The following ESRRG variants were observed in gnomAD, a reference collection of about 807,000 sequenced individuals.
ESRRG encodes estrogen related receptor gamma.
Under a neutral mutation model 44.0 loss-of-function variants are expected in ESRRG, and 13 were observed. That is an observed-to-expected ratio of 0.30 (90% CI 0.19 to 0.47). The LOEUF is 0.47. ESRRG is among the 20% of genes least tolerant of loss of function. ESRRG has a pLI of 1.00. For synonymous variants in ESRRG, 215 were observed against 214.6 expected (o/e 1.00, Z -0.02); for missense variants, 395 against 580.6 (o/e 0.68, Z 3.29).
At chr1:216,937,446 G>C (rs956743141) in intron 2 of ESRRG, among the ~76,000 whole-genome samples, 2 of 152,164 alleles carry the variant, frequency 1.3e-5, no homozygotes, top group African/African-American at 2.4e-5. Context: ...TAGTCAGAAA[G>C]GTTTGAATTA....
At chr1:217,033,029 T>C (rs1201965410) in intron 1 of ESRRG, among the ~76,000 whole-genome samples, 1 of 151,954 alleles carries the variant, frequency 6.6e-6, no homozygotes, top group Non-Finnish European at 1.5e-5. Flanking sequence ...GAGGGGGAGA[T>C]TAAAAGGGGG....
chr1:216,751,180 G>T (rs180897463), intron 2 of ESRRG, among the ~76,000 whole-genome samples: 1 of 152,272 alleles, frequency 6.6e-6, no homozygotes, highest in East Asian at 1.9e-4. Flanking sequence ...ACGCTTAAGA[G>T]AAAATGGGGC....
intron 1 of ESRRG, among the ~76,000 whole-genome samples, chr1:216,969,934 T>C (rs933712485): frequency 6.6e-6 from 1 of 152,162 alleles, no homozygotes; most frequent in African/African-American, 2.4e-5. Flanking sequence ...CAAGCAAGAA[T>C]GTTAAATTTG....
intron 3 of ESRRG, among the ~76,000 whole-genome samples, chr1:216,576,179 TC>T (rs1337709085): frequency 6.6e-6 from 1 of 151,602 alleles, no homozygotes; most frequent in Non-Finnish European, 1.5e-5. Flanking sequence ...TCCACTAAAC[TC>T]CCCCAGCCAA....
In ESRRG at chr1:216,550,877, A is replaced by G. The variant is rs557382230; in HGVS notation, c.862+13342T>C. On this transcript the variant is annotated intron_variant, in intron 5 of 6. Coordinates refer to ENST00000408911, the MANE Select transcript of ESRRG (RefSeq NM_001438.4). ...ATGGTTTCAGAACAACCATGCATAT[A>G]GAGTTTAAGAACAGCATAAAAGTCC... Among the ~76,000 whole-genome samples the G allele has an allele frequency of 2.6e-5, 4 of 152,314 alleles. No individual in the cohort carries two copies. In the East Asian group the frequency reaches 5.8e-4, roughly 22 times the overall value.
chr1:216,568,826 G>A (rs1477562649), intron 3 of ESRRG, among the ~76,000 whole-genome samples: 3 of 152,056 alleles, frequency 2.0e-5, no homozygotes, highest in East Asian at 1.9e-4. Context: ...AGGCCAAGGC[G>A]GGCAGATCAC....
intron 2 of ESRRG, among the ~76,000 whole-genome samples, chr1:216,917,281 T>A (rs1183029577): frequency 6.6e-6 from 1 of 151,986 alleles, no homozygotes; most frequent in East Asian, 1.9e-4. Context: ...GTCTAGTGGT[T>A]AAAGTGAATC....
intron 4 of ESRRG, among the ~76,000 whole-genome samples, chr1:216,564,988 C>G (rs1382381552): frequency 6.6e-6 from 1 of 152,114 alleles, no homozygotes; most frequent in African/African-American, 2.4e-5. Flanking sequence ...ACACACCCAG[C>G]CAGTCTTCCA....
intron 1 of ESRRG, among the ~76,000 whole-genome samples, chr1:217,011,054 T>C (rs1369849063): frequency 6.6e-6 from 1 of 152,168 alleles, no homozygotes; most frequent in Non-Finnish European, 1.5e-5. Flanking sequence ...ATACTGACGA[T>C]ACCAAGGTTA....
intron 2 of ESRRG, among the ~76,000 whole-genome samples, chr1:216,929,501 G>C (rs2063041246): frequency 6.6e-6 from 1 of 152,168 alleles, no homozygotes; most frequent in Non-Finnish European, 1.5e-5. Flanking sequence ...CTGGGAGAGG[G>C]AGTGCTTGAA....
intron 3 of ESRRG, among the ~76,000 whole-genome samples, chr1:216,629,959 A>T (rs748483024): frequency 6.6e-6 from 1 of 152,168 alleles, no homozygotes; most frequent in Non-Finnish European, 1.5e-5. Flanking sequence ...TTTAAAAGAA[A>T]AAGGGCCACA....
At chr1:216,836,025 A>G (rs1435377817) in intron 2 of ESRRG, among the ~76,000 whole-genome samples, 1 of 151,242 alleles carries the variant, frequency 6.6e-6, no homozygotes, top group Non-Finnish European at 1.5e-5. Flanking sequence ...CTCTCAATCA[A>G]GTGAAATATT....
intron 2 of ESRRG, among the ~76,000 whole-genome samples, chr1:216,764,762 A>AACCTCTGATCATTCCAGGAGGGTTGACTT (rs1161573880): frequency 6.6e-6 from 1 of 152,176 alleles, no homozygotes; most frequent in Non-Finnish European, 1.5e-5. Context: ...TGGCTCATTT[A>AACCTCTGATCATTCCAGGAGGGTTGACTT]ACCTCTGATC....
intron 2 of ESRRG, among the ~76,000 whole-genome samples, chr1:216,797,247 A>G (rs2094495586): frequency 6.6e-6 from 1 of 152,184 alleles, no homozygotes; most frequent in South Asian, 2.1e-4. Flanking sequence ...ACAAAATAAT[A>G]TTGATACATT....
intron 3 of ESRRG, among the ~76,000 whole-genome samples, chr1:216,580,753 T>C (rs1198945127): frequency 6.6e-6 from 1 of 152,080 alleles, no homozygotes; most frequent in Non-Finnish European, 1.5e-5. Flanking sequence ...AGATTCAGAG[T>C]CCAACAACTG....
At chr1:216,609,668 T>C (rs2060367856) in intron 3 of ESRRG, among the ~76,000 whole-genome samples, 1 of 152,178 alleles carries the variant, frequency 6.6e-6, no homozygotes, top group African/African-American at 2.4e-5. Flanking sequence ...TAATCTTAGC[T>C]AAAAACAACT....
chr1:216,839,471 C>T (rs1027385104), intron 2 of ESRRG, among the ~76,000 whole-genome samples: 2 of 152,142 alleles, frequency 1.3e-5, no homozygotes, highest in African/African-American at 4.8e-5. Context: ...TCTGAATTGC[C>T]TCTAGAATGA....
At chr1:216,534,619 A>G (rs1053340494) in intron 5 of ESRRG, among the ~76,000 whole-genome samples, 2 of 152,184 alleles carry the variant, frequency 1.3e-5, no homozygotes, top group South Asian at 4.1e-4. Flanking sequence ...CTCATTTTGG[A>G]ATGTAGGAGT....
intron 3 of ESRRG, among the ~76,000 whole-genome samples, chr1:216,642,878 T>C (rs1336425293): frequency 9.5e-5 from 14 of 146,718 alleles, no homozygotes; most frequent in Admixed American, 8.8e-4. Context: ...CTAAGTAGGC[T>C]CTTTAACTAA....
Sources: allele counts gnomAD v4.1 joint callset (sites outside exome capture counted in the v4.1 genomes callset), GRCh38; gene constraint gnomAD v4.1.1; transcripts MANE v1.5; gene names NCBI Gene and HGNC (gene_info 2026-07-23, HGNC 2026-07-21).